The following ROBO2 variants were observed in gnomAD, a reference collection of about 807,000 sequenced individuals.
ROBO2 encodes the protein roundabout guidance receptor 2, also known as roundabout homolog 2.
Under a neutral mutation model 160.8 loss-of-function variants are expected in ROBO2, and 53 were observed. The observed-to-expected ratio is 0.33, with a 90% confidence interval of 0.26 to 0.41. The LOEUF is 0.41. Ranked by LOEUF, ROBO2 falls within the 10% of genes least tolerant of loss-of-function variation. The pLI is 1.00. For synonymous variants in ROBO2, 664 were observed against 611.7 expected, an observed-to-expected ratio of 1.09 and a Z score of -1.26; for missense variants, 1,577 against 1,722.4, an observed-to-expected ratio of 0.92 and a Z score of 1.49.
intron 2 of ROBO2, among the ~76,000 whole-genome samples, chr3:76,219,320 C>G (rs1287902801): frequency 6.6e-6 from 1 of 152,158 alleles, no homozygotes; most frequent in Non-Finnish European, 1.5e-5. Context: ...CCAAAATTGA[C>G]AAATGGGATC....
chr3:76,874,902 G>C (rs2148704215), intron 2 of ROBO2, among the ~76,000 whole-genome samples: 1 of 152,258 alleles, frequency 6.6e-6, no homozygotes, highest in African/African-American at 2.4e-5. Flanking sequence ...GTTGAGATAT[G>C]ATATATGTAA....
chr3:76,614,931 C>T (rs1463544045), intron 2 of ROBO2, among the ~76,000 whole-genome samples: 1 of 152,056 alleles, frequency 6.6e-6, no homozygotes, highest in Non-Finnish European at 1.5e-5. Flanking sequence ...AAGATTCCTT[C>T]ACTCCTGATC....
chr3:76,598,552 G>A (rs1578416628), intron 2 of ROBO2, among the ~76,000 whole-genome samples: 3 of 152,160 alleles, frequency 2.0e-5, no homozygotes, highest in Admixed American at 1.3e-4. Context: ...GTTACCATTG[G>A]GGGAATGGGC....
chr3:76,321,575 C>T (rs2072531625), intron 2 of ROBO2, among the ~76,000 whole-genome samples: 1 of 152,154 alleles, frequency 6.6e-6, no homozygotes. Context: ...AACAACTTGA[C>T]TAATGTTACA....
intron 2 of ROBO2, among the ~76,000 whole-genome samples, chr3:76,713,284 A>G (rs1292565956): frequency 1.3e-5 from 2 of 152,202 alleles, no homozygotes; most frequent in African/African-American, 4.8e-5. Flanking sequence ...TTGGATAATC[A>G]GATAAAGTAC....
chr3:76,035,723 GCCACATAATTC>G (rs2067084901), intron 2 of ROBO2, among the ~76,000 whole-genome samples: 2 of 151,984 alleles, frequency 1.3e-5, no homozygotes, highest in Non-Finnish European at 2.9e-5. Flanking sequence ...ACCTTGATAT[GCCACATAATTC>G]CCATACACAT....
At chr3:76,445,657 C>A (rs966568547) in intron 2 of ROBO2, among the ~76,000 whole-genome samples, 4 of 152,048 alleles carry the variant, frequency 2.6e-5, no homozygotes, top group African/African-American at 7.2e-5. Flanking sequence ...ACTGGCAAAC[C>A]GAGTCCAGCA....
chr3:76,199,667 G>A (rs527624092), intron 2 of ROBO2, among the ~76,000 whole-genome samples: 1 of 152,226 alleles, frequency 6.6e-6, no homozygotes, highest in South Asian at 2.1e-4. Context: ...AAGCTATTCA[G>A]CAGTTGGCCC....
intron 5 of ROBO2, among the ~76,000 whole-genome samples, chr3:77,499,398 C>T: frequency 6.6e-6 from 1 of 152,030 alleles, no homozygotes; most frequent in Non-Finnish European, 1.5e-5. Flanking sequence ...ACTCAAAGGG[C>T]TATTAAAATG....
chr3:77,643,514 G>C (rs910478080), intron 24 of ROBO2, among the ~76,000 whole-genome samples: 4 of 152,110 alleles, frequency 2.6e-5, no homozygotes, highest in African/African-American at 9.7e-5. Flanking sequence ...TATAAATCAA[G>C]CTTCCTGGAA....
chr3:76,776,402 T>A (rs1378219763), intron 2 of ROBO2, among the ~76,000 whole-genome samples: 3 of 151,004 alleles, frequency 2.0e-5, no homozygotes, highest in Non-Finnish European at 3.0e-5. Context: ...TGTTAAAAAT[T>A]GTGTTTAGCT....
intron 2 of ROBO2, among the ~76,000 whole-genome samples, chr3:76,751,621 G>A (rs558773929): frequency 6.6e-6 from 1 of 152,198 alleles, no homozygotes; most frequent in East Asian, 1.9e-4. Flanking sequence ...CCATCAAAAA[G>A]TGGGCAAAGA....
intron 2 of ROBO2, among the ~76,000 whole-genome samples, chr3:76,738,411 G>A (rs1347004733): frequency 1.3e-5 from 2 of 152,100 alleles, no homozygotes; most frequent in African/African-American, 2.4e-5. Context: ...GTTGTGGGAG[G>A]CTTTTCTGAG....
chr3:76,857,754 C>T (rs944730350), intron 2 of ROBO2, among the ~76,000 whole-genome samples: 1 of 152,274 alleles, frequency 6.6e-6, no homozygotes, highest in East Asian at 1.9e-4. Context: ...TCATGCAACT[C>T]ATTATCTTAA....
intron 2 of ROBO2, among the ~76,000 whole-genome samples, chr3:76,464,324 T>C (rs1443653182): frequency 6.6e-6 from 1 of 152,150 alleles, no homozygotes; most frequent in Non-Finnish European, 1.5e-5. Flanking sequence ...GACATACAAT[T>C]GATGTGAAAA....
intron 2 of ROBO2, among the ~76,000 whole-genome samples, chr3:76,453,683 G>T (rs1007509476): frequency 2.0e-5 from 3 of 152,064 alleles, no homozygotes; most frequent in African/African-American, 4.8e-5. Flanking sequence ...TAAACCTTTC[G>T]AGTTGGTAAT....
intron 2 of ROBO2, among the ~76,000 whole-genome samples, chr3:76,689,398 G>T (rs554409877): frequency 5.9e-5 from 9 of 152,000 alleles, no homozygotes; most frequent in Non-Finnish European, 1.2e-4. Flanking sequence ...TTAAAATATG[G>T]CTCAGACTTC....
intron 2 of ROBO2, among the ~76,000 whole-genome samples, chr3:76,387,818 T>C (rs1270456328): frequency 2.0e-5 from 3 of 152,180 alleles, no homozygotes; most frequent in African/African-American, 7.2e-5. Context: ...GTTTGTTGCA[T>C]ACAGGGGACA....
chr3:77,570,710 G>A (rs1361214084), intron 13 of ROBO2, among the ~76,000 whole-genome samples: 2 of 151,984 alleles, frequency 1.3e-5, no homozygotes, highest in Non-Finnish European at 2.9e-5. Context: ...TTTTATTGAT[G>A]TAATATTTTT....
Sources: gnomAD v4.1 joint callset for allele counts (sites outside exome capture counted in the v4.1 genomes callset) on GRCh38, gnomAD v4.1.1 for gene constraint, MANE v1.5 for transcripts, NCBI Gene and HGNC (gene_info 2026-07-23, HGNC 2026-07-21) for gene names.